Variants in CADM2 observed in about 807,000 individuals in gnomAD.
CADM2 encodes the protein immunoglobulin superfamily member 4D.
In CADM2, 12 loss-of-function variants were observed where a neutral mutation model predicts 49.8. That is an observed-to-expected ratio of 0.24 (90% confidence interval 0.15 to 0.39). The LOEUF is 0.39. CADM2 is among the 10% of genes least tolerant of loss of function. The pLI, the probability that CADM2 is intolerant of heterozygous loss-of-function variation, is 1.00. For missense variants in CADM2, 378 were observed against 492.3 expected, an observed-to-expected ratio of 0.77 and a Z score of 2.20; for synonymous variants, 214 against 175.4, an observed-to-expected ratio of 1.22 and a Z score of -1.74.
rs562115925 is a variant in CADM2, at chr3:85,627,418, C to A, written c.62-99104C>A. Reference sequence around the variant, plus strand: ...ATACATTTGGGTAAATATGAATATTCATATATATACATGCACAGAGAAAAT... The same window carrying A: ...ATACATTTGGGTAAATATGAATATTAATATATATACATGCACAGAGAAAAT... On this transcript the variant is annotated intron_variant, in intron 1 of 9. Transcript: ENST00000383699. 1.9e-4 allele frequency among the ~76,000 whole-genome samples: 29 copies of A among 151,926 alleles called. No individual in the cohort carries two copies. The South Asian group carries it at 3.1e-3, about 16-fold the overall frequency.
At chr3:85,342,362 GAAAA>G (rs1439653234) in intron 1 of CADM2, among the ~76,000 whole-genome samples, 2 of 151,832 alleles carry the variant, frequency 1.3e-5, no homozygotes, top group African/African-American at 4.8e-5. Context: ...CATTTAGTAG[GAAAA>G]TTACTTCTAA....
intron 8 of CADM2, among the ~76,000 whole-genome samples, chr3:86,061,986 TGG>T (rs11456162): frequency 6.8e-5 from 9 of 132,990 alleles, no homozygotes; most frequent in African/African-American, 2.5e-4. Flanking sequence ...CTGTTGATGG[TGG>T]GGGGGGGGTT....
At chr3:85,652,772 CTT>C (rs34756757) in intron 1 of CADM2, among the ~76,000 whole-genome samples, 17 of 50,784 alleles carry the variant, frequency 3.3e-4, no homozygotes, top group African/African-American at 1.0e-3. Context: ...TTTTTCTTTT[CTT>C]TTTTTTTTTT....
intron 3 of CADM2, among the ~76,000 whole-genome samples, chr3:85,816,736 G>A (rs1007828710): frequency 5.3e-5 from 8 of 151,724 alleles, no homozygotes; most frequent in African/African-American, 1.7e-4. Context: ...AAATATAAAC[G>A]AAAAAGGACA....
chr3:85,458,266 G>A (rs2038083938), intron 1 of CADM2, among the ~76,000 whole-genome samples: 1 of 152,228 alleles, frequency 6.6e-6, no homozygotes, highest in Non-Finnish European at 1.5e-5. Flanking sequence ...CCCAGGAAAT[G>A]CCTTACACCA....
intron 1 of CADM2, among the ~76,000 whole-genome samples, chr3:85,326,936 A>G (rs1286093456): frequency 1.3e-5 from 2 of 151,284 alleles, no homozygotes; most frequent in African/African-American, 4.9e-5. Context: ...TTTCAGAGAA[A>G]GATTAGATCA....
At chr3:85,408,015 A>AAAAAAAAAAAAAAAAAAAAAAAAG (rs2035477328) in intron 1 of CADM2, among the ~76,000 whole-genome samples, 1 of 148,600 alleles carries the variant, frequency 6.7e-6, no homozygotes, top group Non-Finnish European at 1.5e-5. Context: ...AAAACCAAAA[A>AAAAAAAAAAAAAAAAAAAAAAAAG]AAAAAAAAAA....
chr3:84,988,019 C>T (rs561382350), intron 1 of CADM2, among the ~76,000 whole-genome samples: 1 of 152,106 alleles, frequency 6.6e-6, no homozygotes, highest in Non-Finnish European at 1.5e-5. Flanking sequence ...GGAGCTGTGG[C>T]CACAGACATG....
intron 1 of CADM2, among the ~76,000 whole-genome samples, chr3:85,514,046 C>G (rs1259483650): frequency 1.3e-5 from 2 of 152,046 alleles, no homozygotes; most frequent in African/African-American, 2.4e-5. Context: ...TGGACAAACT[C>G]TTTGAATCAC....
chr3:85,433,298 A>G (rs2036772740), intron 1 of CADM2, among the ~76,000 whole-genome samples: 2 of 152,144 alleles, frequency 1.3e-5, no homozygotes, highest in Non-Finnish European at 2.9e-5. Context: ...ATCTGTCTAT[A>G]GTGATAATTT....
At chr3:85,479,410 A>G (rs1448878280) in intron 1 of CADM2, among the ~76,000 whole-genome samples, 1 of 148,144 alleles carries the variant, frequency 6.8e-6, no homozygotes, top group Admixed American at 7.0e-5. Flanking sequence ...ATGTAATTGT[A>G]TTACATAAAA....
chr3:85,575,232 G>T (rs1485637439), intron 1 of CADM2, among the ~76,000 whole-genome samples: 1 of 152,116 alleles, frequency 6.6e-6, no homozygotes, highest in Admixed American at 6.6e-5. Flanking sequence ...CAATGAAAAT[G>T]CATGAACTTA....
rs183398273 is a variant in CADM2 at position 85,411,941 on chromosome 3, C to A, written c.62-314581C>A. On this transcript the variant is annotated intron_variant, in intron 1 of 9. Transcript: ENST00000383699. ...CTCCCAGGTTCAAGCTATCCTTCTG[C>A]CTCAACCTCCCAAGTCACTGTGATT... Among the ~76,000 whole-genome samples, 439 of 152,218 alleles carry A rather than the reference C, an allele frequency of 2.9e-3. 1 individual carries two copies. Among genetic ancestry groups the A allele is most frequent in the African/African-American group, 0.01 (418 of 41,542 alleles).
chr3:85,971,750 T>C (rs1464564483), intron 8 of CADM2, among the ~76,000 whole-genome samples: 1 of 151,644 alleles, frequency 6.6e-6, no homozygotes, highest in Non-Finnish European at 1.5e-5. Context: ...CACTTTACTT[T>C]TGTCAGTTTG....
intron 1 of CADM2, among the ~76,000 whole-genome samples, chr3:85,576,528 A>C (rs900973265): frequency 6.6e-6 from 1 of 152,230 alleles, no homozygotes; most frequent in African/African-American, 2.4e-5. Flanking sequence ...GTTTACACAC[A>C]CATATGGAGG....
At position 85,983,597 on chromosome 3, in the gene CADM2, A is replaced by G. The variant is rs566838728; in HGVS notation, c.970+21950A>G. 2.6e-5 allele frequency among the ~76,000 whole-genome samples: 4 copies of G among 151,852 alleles called. No individual in the cohort carries two copies. In the East Asian group the frequency reaches 7.8e-4, roughly 29 times the overall value. ...TCGTTTTAGTAAAACAAACATGTTT[A>G]CCAGCAGTTGTATCATACCATTAAT... On this transcript the variant is annotated intron_variant, in intron 8 of 9. Transcript: ENST00000383699.
chr3:85,155,904 C>G (rs2040099190), intron 1 of CADM2, among the ~76,000 whole-genome samples: 1 of 152,110 alleles, frequency 6.6e-6, no homozygotes, highest in Non-Finnish European at 1.5e-5. Flanking sequence ...AGATCAAAGA[C>G]ACAACATTCC....
chr3:85,652,046 T>C (rs2065058866), intron 1 of CADM2, among the ~76,000 whole-genome samples: 1 of 149,902 alleles, frequency 6.7e-6, no homozygotes, highest in African/African-American at 2.5e-5. Flanking sequence ...CTTGATCTCC[T>C]GACCTCGTGA....
intron 1 of CADM2, among the ~76,000 whole-genome samples, chr3:85,149,104 T>TA (rs1396879021): frequency 6.6e-6 from 1 of 152,122 alleles, no homozygotes; most frequent in African/African-American, 2.4e-5. Context: ...TAGTGCTTTT[T>TA]TTTTTAAAAA....
Sources: gnomAD v4.1 joint callset for allele counts (sites outside exome capture counted in the v4.1 genomes callset) on GRCh38, gnomAD v4.1.1 for gene constraint, MANE v1.5 for transcripts, NCBI Gene and HGNC (gene_info 2026-07-23, HGNC 2026-07-21) for gene names.